The following PRUNE2 variants were observed in gnomAD, a reference collection of about 807,000 sequenced individuals.
PRUNE2 encodes prune homolog 2 with BCH domain, also known as protein prune homolog 2.
PRUNE2 carries 164 observed loss-of-function variants against 252.0 expected under a neutral mutation model. The observed-to-expected ratio is 0.65, with a 90% CI of 0.57 to 0.74. The LOEUF is 0.74. PRUNE2 is among the 30% of genes least tolerant of loss of function. The pLI is 0.00. For missense variants in PRUNE2, 3,495 were observed against 3,711.0 expected, an observed-to-expected ratio of 0.94 and a Z score of 1.51; for synonymous variants, 1,292 against 1,350.2, an observed-to-expected ratio of 0.96 and a Z score of 0.94.
At chr9:76,654,423 A>G (rs551540049) in intron 10 of PRUNE2, among the ~76,000 whole-genome samples, 33 of 152,344 alleles carry the variant, frequency 2.2e-4, no homozygotes, top group African/African-American at 7.9e-4. Context: ...TCTATTGACA[A>G]GTAAGTTTCA....
chr9:76,705,607 T>C lies in PRUNE2; in HGVS notation c.6667A>G (p.Arg2223Gly), dbSNP rs1477203948. 4 of 1,613,936 alleles carry C rather than the reference T, an allele frequency of 2.5e-6. No homozygotes were observed. Among genetic ancestry groups the C allele is most frequent in the East Asian group, 2.2e-5 (1 of 44,900 alleles). ...ACATTTTCAATCCTTGGGATTCTTC[T>C]GTCAACTGGTTCCAAAATTGGTGCC... is the stretch of plus-strand genomic sequence containing the variant. ...DMAPILEPVDRRIPRIENVAT... is the reference protein window; with the variant it reads ...DMAPILEPVDGRIPRIENVAT... Residue 2223 changes from arginine (R) to glycine (G), a missense_variant, in exon 8 of 19, where the codon AGA becomes GGA. Transcript: ENST00000376718.
intron 6 of PRUNE2, among the ~76,000 whole-genome samples, chr9:76,720,745 A>G (rs1302000326): frequency 6.6e-6 from 1 of 152,218 alleles, no homozygotes; most frequent in African/African-American, 2.4e-5. Context: ...GAACTTTCAA[A>G]TAATAATCAC....
rs761395945 is a variant in PRUNE2, at chr9:76,774,465, T to TATTTATTTATTTATTTA, written c.756+49166_756+49167insTAAATAAATAAATAAAT. Among the ~76,000 whole-genome samples the TATTTATTTATTTATTTA allele has an allele frequency of 5.2e-3, 710 of 136,870 alleles. 19 individuals carry two copies. The highest frequency in any genetic ancestry group is 0.015 in the African/African-American group (530 of 35,728). The allele number at this position is 136,870 out of a possible 152,430, so 89.8% of individuals were successfully genotyped here. A position where few individuals can be genotyped will look rare whatever the true frequency, so the allele number is the denominator to read the frequency against. ...CAGTTCAACCCTTTTTTTTTTTTTT[T>TATTTATTTATTTATTTA]TTTTTTTTTTTTGAGATGGAGTCTC... On this transcript the variant is annotated intron_variant, in intron 6 of 18. Transcript: ENST00000376718.
chr9:76,881,166 C>A (rs539245329), intron 1 of PRUNE2, among the ~76,000 whole-genome samples: 10 of 152,170 alleles, frequency 6.6e-5, no homozygotes, highest in South Asian at 4.2e-4. Flanking sequence ...CAGGGTTTCA[C>A]CATATTGGCC....
chr9:76,673,631 T>G (rs1245167964), intron 9 of PRUNE2, among the ~76,000 whole-genome samples: 1 of 150,308 alleles, frequency 6.7e-6, no homozygotes, highest in Non-Finnish European at 1.5e-5. Flanking sequence ...ATATCTTTGA[T>G]GAACATTGAT....
chr9:76,773,865 A>C lies in PRUNE2; in HGVS notation c.756+49767T>G, dbSNP rs2053403426. On this transcript the variant is annotated intron_variant, in intron 6 of 18. Coordinates refer to ENST00000376718, the MANE Select transcript of PRUNE2 (RefSeq NM_015225.3). ...GAGACCCCATGTGTTAATTTTGGTA[A>C]AAATAACCCCACAGAAAAAAGGTGG... Among the ~76,000 whole-genome samples, 3 of 152,214 alleles carry C rather than the reference A, an allele frequency of 2.0e-5. No homozygotes were observed. The South Asian group carries it at 6.2e-4, about 32-fold the overall frequency.
At chr9:76,778,531 G>A (rs2054043547) in intron 6 of PRUNE2, 1 of 152,198 alleles carries the variant, frequency 6.6e-6, no homozygotes, top group South Asian at 2.1e-4. Flanking sequence ...ATAACAAAGT[G>A]GTTCAACGAG....
At chr9:76,764,276 T>C (rs786592) in intron 6 of PRUNE2, among the ~76,000 whole-genome samples, 200 of 152,302 alleles carry the variant, frequency 1.3e-3, no homozygotes, top group South Asian at 2.5e-3. Context: ...TAATTTTTAA[T>C]AGCAACGTGT....
At position 76,710,046 on chromosome 9, in the gene PRUNE2, A is replaced by T. The variant is rs1462213625; in HGVS notation, c.2228T>A (p.Leu743Gln). The T allele has an allele frequency of 6.2e-7, 1 of 1,613,790 alleles. No individual in the cohort carries two copies. The highest frequency in any genetic ancestry group is 8.5e-7 in the Non-Finnish European group (1 of 1,179,870). Residue 743 changes from leucine (L) to glutamine (Q), a missense_variant, in exon 8 of 19, where the codon CTG (leucine) becomes CAG (glutamine). Coordinates refer to ENST00000376718, the MANE Select transcript of PRUNE2 (RefSeq NM_015225.3). Reference sequence around the variant, plus strand: ...TGGCAAAGGTGACTTCTCCATGGGCAGGTTCTGGAACGGCAAGCTTTCCTC... The same window carrying T: ...TGGCAAAGGTGACTTCTCCATGGGCTGGTTCTGGAACGGCAAGCTTTCCTC... ...KNEESLPFQN[L>Q]PMEKSPLPNT...
intron 6 of PRUNE2, among the ~76,000 whole-genome samples, chr9:76,747,720 C>A (rs1233830135): frequency 1.3e-5 from 2 of 152,016 alleles, no homozygotes; most frequent in African/African-American, 2.4e-5. Flanking sequence ...AGGATGACAA[C>A]AAATCCCACT....
chr9:76,655,626 G>T, intron 9 of PRUNE2, 124 bp from the exon 10 acceptor site: 2 of 709,072 alleles, frequency 2.8e-6, no homozygotes. Context: ...CATGTATGGG[G>T]ACTGAATCCA....
intron 9 of PRUNE2, chr9:76,692,069 C>T (rs1192083851): frequency 1.4e-6 from 1 of 717,488 alleles, no homozygotes; most frequent in Non-Finnish European, 2.6e-6. Context: ...CCAGGACCCA[C>T]CTACCTTCTG....
At chr9:76,884,847 C>T (rs1274234209) in intron 1 of PRUNE2, among the ~76,000 whole-genome samples, 2 of 152,230 alleles carry the variant, frequency 1.3e-5, no homozygotes, top group Non-Finnish European at 2.9e-5. Flanking sequence ...TAAGGTAACA[C>T]AGCTCCTACT....
chr9:76,709,798 G>T lies in PRUNE2; in HGVS notation c.2476C>A (p.Pro826Thr). The change falls in exon 8 of 19, where the codon CCT (proline) becomes ACT (threonine). Residue 826 changes from proline (P) to threonine (T), a missense_variant. By Grantham distance (38) the Pro-to-Thr change is conservative. Transcript: ENST00000376718. ...WNLHPTSSKTPSVRDPNEWAM... is the reference protein window; with the variant it reads ...WNLHPTSSKTTSVRDPNEWAM... ...CACTCATTCGGGTCCCTAACAGAAG[G>T]TGTCTTGCTGCTTGTTGGGTGCAAA... 6.2e-7 allele frequency: 1 copy of T among 1,613,972 alleles called. No individual in the cohort carries two copies.
At chr9:76,807,051 T>TGTGTGTGTGTGCGCGCGCGC (rs60768420) in intron 6 of PRUNE2, among the ~76,000 whole-genome samples, 2 of 139,338 alleles carry the variant, frequency 1.4e-5, no homozygotes, top group African/African-American at 5.5e-5. Flanking sequence ...TGTGTGTGTG[T>TGTGTGTGTGTGCGCGCGCGC]GCGCGCGCGC....
chr9:76,699,006 C>A (rs1235804256), intron 9 of PRUNE2, among the ~76,000 whole-genome samples: 1 of 151,062 alleles, frequency 6.6e-6, no homozygotes, highest in Non-Finnish European at 1.5e-5. Flanking sequence ...GTACATGACA[C>A]AACGATTTCC....
rs766947964 is a variant in PRUNE2 at position 76,705,195 on chromosome 9, T to C, written c.7079A>G (p.Asn2360Ser). The change falls in exon 8 of 19, where the codon AAT (asparagine) becomes AGT (serine). Residue 2360 changes from asparagine (N) to serine (S), a missense_variant. Transcript: ENST00000376718. ...CTCTCTCAGTAAATCTTCATCGATA[T>C]TCTGGCCCATTACATCATATTCAAA... ...GDFEYDVMGQNIDEDLLREPE... is the reference protein window; with the variant it reads ...GDFEYDVMGQSIDEDLLREPE... The C allele has an allele frequency of 6.2e-7, 1 of 1,614,058 alleles. No homozygotes were observed. Among genetic ancestry groups the C allele is most frequent in the South Asian group, 1.1e-5 (1 of 91,088 alleles).
chr9:76,741,600 C>A (rs115754097), intron 6 of PRUNE2, among the ~76,000 whole-genome samples: 1 of 152,128 alleles, frequency 6.6e-6, no homozygotes, highest in Non-Finnish European at 1.5e-5. Flanking sequence ...GGCCCTCCTG[C>A]GAAGGTAACT....
intron 10 of PRUNE2, among the ~76,000 whole-genome samples, chr9:76,653,047 T>C (rs188222797): frequency 6.6e-6 from 1 of 152,276 alleles, no homozygotes; most frequent in African/African-American, 2.4e-5. Flanking sequence ...TTGTATGAGA[T>C]ATAGACACCC....
Sources: allele counts gnomAD v4.1 joint callset (sites outside exome capture counted in the v4.1 genomes callset), GRCh38; gene constraint gnomAD v4.1.1; transcripts MANE v1.5; gene names NCBI Gene and HGNC (gene_info 2026-07-23, HGNC 2026-07-21).